LRP1B: variants seen among roughly 807,000 people sequenced by gnomAD.
The protein encoded by LRP1B is LDL receptor related protein 1B, also known as low-density lipoprotein receptor-related protein 1B.
In LRP1B, 217 loss-of-function variants were observed where a neutral mutation model predicts 556.6. That is an observed-to-expected ratio of 0.39 (90% CI 0.35 to 0.44). The LOEUF (loss-of-function observed/expected upper bound fraction) is 0.44, where lower values mean the gene tolerates loss of function less well. Among genes scored for constraint, LRP1B ranks in the 20% least tolerant of loss-of-function variants. The pLI is 1.00. For missense variants in LRP1B, 5,053 were observed against 5,620.8 expected, an observed-to-expected ratio of 0.90 and a Z score of 3.23; for synonymous variants, 2,047 against 1,865.8, an observed-to-expected ratio of 1.10 and a Z score of -2.50.
chr2:141,648,535 T>G (rs1393007423), intron 2 of LRP1B, among the ~76,000 whole-genome samples: 1 of 152,178 alleles, frequency 6.6e-6, no homozygotes, highest in Non-Finnish European at 1.5e-5. Flanking sequence ...CAATACAAAT[T>G]GGCATCTTAT....
At chr2:140,978,989 A>AT (rs1696685564) in intron 18 of LRP1B, among the ~76,000 whole-genome samples, 1 of 151,758 alleles carries the variant, frequency 6.6e-6, no homozygotes, top group South Asian at 2.1e-4. Context: ...TTTTTATTTT[A>AT]TTTTTTTGAG....
intron 41 of LRP1B, among the ~76,000 whole-genome samples, chr2:140,658,586 A>G (rs1289012009): frequency 6.6e-6 from 1 of 152,068 alleles, no homozygotes; most frequent in East Asian, 1.9e-4. Context: ...AATTTATCCA[A>G]TTTTTTTCTT....
At chr2:141,265,262 G>T (rs1477322007) in intron 3 of LRP1B, among the ~76,000 whole-genome samples, 1 of 152,172 alleles carries the variant, frequency 6.6e-6, no homozygotes, top group African/African-American at 2.4e-5. Context: ...CCTCTATGTT[G>T]CAGGGCACCC....
intron 65 of LRP1B, 38 bp downstream of exon 65, chr2:140,444,292 A>C: frequency 1.9e-6 from 3 of 1,611,060 alleles, no homozygotes; most frequent in Non-Finnish European, 2.5e-6. Flanking sequence ...TTTAGGAGTC[A>C]AAGTTAAGAC....
At chr2:141,211,244 T>C (rs887590968) in intron 6 of LRP1B, among the ~76,000 whole-genome samples, 32 of 146,976 alleles carry the variant, frequency 2.2e-4, no homozygotes, top group Non-Finnish European at 4.0e-4. Context: ...TACCTCAGCC[T>C]CCCAGAGTGC....
intron 5 of LRP1B, among the ~76,000 whole-genome samples, chr2:141,231,233 G>A (rs1573687008): frequency 6.6e-6 from 1 of 152,306 alleles, no homozygotes; most frequent in East Asian, 1.9e-4. Context: ...TTTTGAAGCA[G>A]TATTATTTAG....
intron 66 of LRP1B, among the ~76,000 whole-genome samples, chr2:140,440,820 C>T (rs1686394337): frequency 6.6e-6 from 1 of 151,842 alleles, no homozygotes; most frequent in African/African-American, 2.4e-5. Context: ...TATATAACCT[C>T]ACTACTGAAA....
chr2:141,721,908 A>G (rs1692829046), intron 2 of LRP1B, among the ~76,000 whole-genome samples: 1 of 152,216 alleles, frequency 6.6e-6, no homozygotes, highest in African/African-American at 2.4e-5. Context: ...TCCCTGATCC[A>G]GCAGACCAGA....
At chr2:140,506,485 C>A (rs1689417866) in intron 53 of LRP1B, among the ~76,000 whole-genome samples, 2 of 152,040 alleles carry the variant, frequency 1.3e-5, no homozygotes, top group African/African-American at 4.8e-5. Context: ...CTCAGGTGAT[C>A]CACCCGCCTC....
intron 32 of LRP1B, among the ~76,000 whole-genome samples, chr2:140,784,026 C>A (rs1689797194): frequency 6.6e-6 from 1 of 152,174 alleles, no homozygotes; most frequent in African/African-American, 2.4e-5. Flanking sequence ...TCAGGTGATG[C>A]AGATGTGCTG....
chr2:140,746,712 T>C (rs978117956), intron 35 of LRP1B, among the ~76,000 whole-genome samples: 17 of 152,148 alleles, frequency 1.1e-4, no homozygotes, highest in African/African-American at 3.9e-4. Flanking sequence ...ATGAGGGGGT[T>C]GTGCATTCCT....
intron 7 of LRP1B, among the ~76,000 whole-genome samples, chr2:141,096,629 G>GGAGAGGGAGAGAGA (rs1700318285): frequency 2.5e-4 from 15 of 59,742 alleles, no homozygotes; most frequent in African/African-American, 9.5e-4. Flanking sequence ...GGGGAGAGGG[G>GGAGAGGGAGAGAGA]GAGAGAGAGA....
intron 62 of LRP1B, among the ~76,000 whole-genome samples, chr2:140,452,688 T>C (rs1023264856): frequency 6.6e-6 from 1 of 152,084 alleles, no homozygotes; most frequent in Non-Finnish European, 1.5e-5. Context: ...CTAATGAAAA[T>C]AGATTAGCAA....
chr2:142,032,110 A>T (rs78836515), intron 1 of LRP1B, among the ~76,000 whole-genome samples: 4,746 of 151,974 alleles, frequency 0.031, 194 homozygotes, highest in East Asian at 0.17. Context: ...CCACTCAGTT[A>T]GTGATACTTG....
intron 3 of LRP1B, among the ~76,000 whole-genome samples, chr2:141,301,068 AT>A (rs1172447190): frequency 6.6e-6 from 1 of 152,196 alleles, no homozygotes; most frequent in Admixed American, 6.5e-5. Flanking sequence ...TCTGGGAAAC[AT>A]TGGTAGAAGC....
chr2:140,383,957 C>G (rs1320471299), intron 67 of LRP1B, among the ~76,000 whole-genome samples: 1 of 152,160 alleles, frequency 6.6e-6, no homozygotes, highest in Admixed American at 6.6e-5. Flanking sequence ...AAGTGAGAGT[C>G]AATGTTCTTT....
intron 1 of LRP1B, among the ~76,000 whole-genome samples, chr2:141,920,862 C>G (rs78098447): frequency 0.018 from 2,663 of 152,038 alleles, 96 homozygotes; most frequent in African/African-American, 0.06. Flanking sequence ...TAAGTTTGCA[C>G]TTGTCCTCTA....
chr2:141,778,920 T>C (rs538463794), intron 2 of LRP1B, among the ~76,000 whole-genome samples: 2 of 152,286 alleles, frequency 1.3e-5, no homozygotes, highest in Middle Eastern at 3.4e-3. Flanking sequence ...CCAGGATGTA[T>C]AGAATCACTA....
chr2:141,349,103 T>G (rs1688358002), intron 3 of LRP1B, among the ~76,000 whole-genome samples: 1 of 151,748 alleles, frequency 6.6e-6, no homozygotes, highest in African/African-American at 2.4e-5. Flanking sequence ...GACTAATACA[T>G]CTATTGTAAG....
Sources: allele counts gnomAD v4.1 joint callset (sites outside exome capture counted in the v4.1 genomes callset), GRCh38; gene constraint gnomAD v4.1.1; transcripts MANE v1.5; gene names NCBI Gene and HGNC (gene_info 2026-07-23, HGNC 2026-07-21).